Variants in WDR72 observed in about 807,000 individuals in gnomAD.
WDR72 encodes the protein WD repeat domain 72.
WDR72 carries 120 observed loss-of-function variants against 124.2 expected under a neutral mutation model. That is an observed-to-expected ratio of 0.97 (90% CI 0.83 to 1.12). WDR72 has a LOEUF of 1.12. Among genes scored for constraint, WDR72 ranks in the 50% most tolerant of loss-of-function variants. The pLI, the probability that WDR72 is intolerant of heterozygous loss-of-function variation, is 0.00. For synonymous variants in WDR72, 452 were observed against 441.7 expected (o/e 1.02, Z -0.29); for missense variants, 1,387 against 1,278.8 (o/e 1.08, Z -1.29).
intron 18 of WDR72, among the ~76,000 whole-genome samples, chr15:53,543,787 C>T (rs892254084): frequency 2.1e-4 from 32 of 151,938 alleles, no homozygotes; most frequent in African/African-American, 3.1e-4. Context: ...ATCTAATAGA[C>T]GCAATAAAAA....
At chr15:53,640,055 T>A (rs1368282503) in intron 14 of WDR72, among the ~76,000 whole-genome samples, 3 of 152,186 alleles carry the variant, frequency 2.0e-5, no homozygotes, top group Non-Finnish European at 4.4e-5. Flanking sequence ...CCAGGTCTTT[T>A]AAAAAATAAT....
intron 12 of WDR72, 128 bp from the exon 13 acceptor site, chr15:53,700,073 G>T: frequency 9.8e-7 from 1 of 1,016,306 alleles, no homozygotes; most frequent in Non-Finnish European, 1.5e-6. Flanking sequence ...TGATATTTCT[G>T]CTTTCTACAG....
At chr15:53,672,103 A>G (rs1191014420) in intron 13 of WDR72, among the ~76,000 whole-genome samples, 1 of 152,070 alleles carries the variant, frequency 6.6e-6, no homozygotes, top group Non-Finnish European at 1.5e-5. Context: ...CTTATAATAA[A>G]CACCACTTTC....
At chr15:53,638,577 ATTCTTTTTT>A (rs199627395) in intron 14 of WDR72, among the ~76,000 whole-genome samples, 2,092 of 129,442 alleles carry the variant, frequency 0.016, 37 homozygotes, top group East Asian at 0.099. Context: ...TCCTAATCAC[ATTCTTTTTT>A]TTTTTTTTTT....
At chr15:53,538,312 G>A (rs1330598276) in intron 18 of WDR72, among the ~76,000 whole-genome samples, 2 of 152,112 alleles carry the variant, frequency 1.3e-5, no homozygotes, top group Non-Finnish European at 2.9e-5. Flanking sequence ...GTAAGAACAG[G>A]TCTTGCACCA....
Position 53,523,260 on chromosome 15 carries a change from C to G in WDR72, c.3211G>C (p.Asp1071His), listed in dbSNP as rs148695841. 57 of 1,613,202 alleles carry G rather than the reference C, an allele frequency of 3.5e-5. No individual in the cohort carries two copies. In the African/African-American group the frequency reaches 6.8e-4, roughly 19 times the overall value. The stretch of plus-strand genomic sequence containing the variant: ...TCCAAGGCACATCTGTCAGGCATGT[C>G]CTCCACGTCTTGGAAGTTTGCCGAG... ...SNSANFQDVE[D>H]MPDRCALEES... Residue 1071 changes from aspartate (D) to histidine (H), a missense_variant, in exon 19 of 20, where the codon GAC becomes CAC. Coordinates refer to ENST00000360509, the MANE Select transcript of WDR72 (RefSeq NM_182758.4).
intron 13 of WDR72, among the ~76,000 whole-genome samples, chr15:53,696,765 C>G (rs188831233): frequency 6.6e-6 from 1 of 152,108 alleles, no homozygotes; most frequent in Non-Finnish European, 1.5e-5. Context: ...TAAATTGTAA[C>G]CAAAATTAAA....
At position 53,668,289 on chromosome 15, in the gene WDR72, A is replaced by C. The variant is rs574179897; in HGVS notation, c.1766-2521T>G. ...ACTGATTAAGGCATACACATGACAT[A>C]AGGAGTGGTTAGAGTCAATCAATTT... On this transcript the variant is annotated intron_variant, in intron 13 of 19. Coordinates refer to ENST00000360509, the MANE Select transcript of WDR72 (RefSeq NM_182758.4). Among the ~76,000 whole-genome samples the C allele has an allele frequency of 3.3e-5, 5 of 152,360 alleles. No homozygotes were observed. The East Asian group carries it at 9.6e-4, about 29-fold the overall frequency.
At chr15:53,737,750 AC>A (rs1440016952) in intron 1 of WDR72, among the ~76,000 whole-genome samples, 1 of 152,216 alleles carries the variant, frequency 6.6e-6, no homozygotes, top group Non-Finnish European at 1.5e-5. Context: ...GATCAAGCAG[AC>A]AACAAAAATT....
intron 13 of WDR72, among the ~76,000 whole-genome samples, chr15:53,666,739 A>T (rs2015793409): frequency 6.6e-6 from 1 of 152,210 alleles, no homozygotes; most frequent in South Asian, 2.1e-4. Context: ...CAATAAGAAA[A>T]TAGAAATAAT....
At chr15:53,610,353 G>A (rs16966301) in intron 16 of WDR72, among the ~76,000 whole-genome samples, 21,117 of 151,844 alleles carry the variant, frequency 0.14, 2,288 homozygotes, top group African/African-American at 0.3. Flanking sequence ...CAATCGATGA[G>A]TTAAGGCTTT....
intron 9 of WDR72, among the ~76,000 whole-genome samples, chr15:53,707,374 A>C (rs1395221014): frequency 6.6e-6 from 1 of 152,212 alleles, no homozygotes; most frequent in Non-Finnish European, 1.5e-5. Context: ...TCCAACCAAG[A>C]CGTATAATTA....
At chr15:53,587,694 T>C (rs533023567) in intron 18 of WDR72, among the ~76,000 whole-genome samples, 68 of 152,126 alleles carry the variant, frequency 4.5e-4, no homozygotes, top group African/African-American at 1.6e-3. Flanking sequence ...CTGACCTCAT[T>C]CTAATGAGAA....
At chr15:53,576,839 C>T (rs922718637) in intron 18 of WDR72, among the ~76,000 whole-genome samples, 1 of 152,166 alleles carries the variant, frequency 6.6e-6, no homozygotes, top group Non-Finnish European at 1.5e-5. Context: ...TGTGGTTTCT[C>T]TTCCTATCTG....
intron 11 of WDR72, among the ~76,000 whole-genome samples, chr15:53,703,181 T>C (rs1459846145): frequency 1.3e-5 from 2 of 152,206 alleles, no homozygotes; most frequent in Non-Finnish European, 2.9e-5. Context: ...TCCAAAGTGC[T>C]GGGATTACAG....
intron 9 of WDR72, 42 bp downstream of exon 9, chr15:53,710,815 G>T: frequency 1.3e-6 from 2 of 1,482,034 alleles, no homozygotes; most frequent in South Asian, 1.1e-5. Flanking sequence ...CCAAGAAACT[G>T]AGTGAAACAG....
intron 2 of WDR72, among the ~76,000 whole-genome samples, chr15:53,725,936 G>GGTA (rs2018010515): frequency 6.6e-6 from 1 of 151,878 alleles, no homozygotes; most frequent in Non-Finnish European, 1.5e-5. Flanking sequence ...AGCCAGGAGT[G>GGTA]GTAGTATGTG....
rs534509692 is a variant in WDR72 at position 53,712,636 on chromosome 15, A to G, written c.711+136T>C. On this transcript the variant is annotated intron_variant, in intron 7 of 19. Coordinates refer to ENST00000360509, the MANE Select transcript of WDR72 (RefSeq NM_182758.4). ...AAAAAACTGTTACGTCAGTCATAAA[A>G]GACACATCATTCCATGTTCTGGTAA... is the stretch of plus-strand genomic sequence containing the variant. The G allele has an allele frequency of 8.4e-6, 8 of 949,426 alleles. No individual in the cohort carries two copies. The South Asian group carries it at 1.3e-4, about 16-fold the overall frequency. 58.8% of individuals were successfully genotyped at this position (949,426 alleles called of 1,614,324 possible).
chr15:53,660,648 T>C (rs926212830), intron 14 of WDR72, among the ~76,000 whole-genome samples: 6 of 152,206 alleles, frequency 3.9e-5, no homozygotes, highest in Non-Finnish European at 7.3e-5. Flanking sequence ...GTGCAGTCTT[T>C]ATTTATAATC....
Sources: gnomAD v4.1 joint callset for allele counts (sites outside exome capture counted in the v4.1 genomes callset) on GRCh38, gnomAD v4.1.1 for gene constraint, MANE v1.5 for transcripts, NCBI Gene and HGNC (gene_info 2026-07-23, HGNC 2026-07-21) for gene names.